Variants in RANBP2 observed in about 807,000 individuals in gnomAD.
RANBP2 encodes RAN binding protein 2.
RANBP2 carries 57 observed loss-of-function variants against 303.6 expected under a neutral mutation model. That is an observed-to-expected ratio of 0.19 (90% CI 0.15 to 0.23). The LOEUF (loss-of-function observed/expected upper bound fraction) is 0.23. Ranked by LOEUF, RANBP2 falls within the 10% of genes least tolerant of loss-of-function variation. The probability of loss-of-function intolerance (pLI) is 1.00; values close to 1 mark genes in which losing one functional copy is unlikely to be tolerated. For missense variants in RANBP2, 3,138 were observed against 3,780.8 expected (o/e 0.83, Z 4.46); for synonymous variants, 1,167 against 1,301.5 (o/e 0.90, Z 2.23).
At chr2:109,591,116 T>G in the RANBP2 span, among the ~76,000 whole-genome samples, 1 of 152,068 alleles carries the variant, frequency 6.6e-6, no homozygotes, top group South Asian at 2.1e-4. Context: ...TTGAATCATT[T>G]TTAGTCATGT....
chr2:109,436,614 T>C, the RANBP2 span, among the ~76,000 whole-genome samples: 1 of 152,368 alleles, frequency 6.6e-6, no homozygotes, highest in East Asian at 1.9e-4. Context: ...ATTAAGGCAG[T>C]AGCTGTGGTA....
chr2:108,759,363 T>G (rs1676557085), intron 18 of RANBP2, among the ~76,000 whole-genome samples: 2 of 152,218 alleles, frequency 1.3e-5, no homozygotes, highest in South Asian at 2.1e-4. Flanking sequence ...AGAGCTGAGA[T>G]TCACACTCCG....
At chr2:109,280,074 G>A in the RANBP2 span, among the ~76,000 whole-genome samples, 1 of 151,974 alleles carries the variant, frequency 6.6e-6, no homozygotes, top group Non-Finnish European at 1.5e-5. Flanking sequence ...TATTTTTTTC[G>A]ATCCCAGAGA....
At chr2:109,590,675 C>T in the RANBP2 span, among the ~76,000 whole-genome samples, 2 of 152,122 alleles carry the variant, frequency 1.3e-5, no homozygotes, top group Non-Finnish European at 2.9e-5. Flanking sequence ...GTGATCCACT[C>T]GTCTGGGCCT....
At chr2:109,620,786 A>C in the RANBP2 span, among the ~76,000 whole-genome samples, 17 of 152,308 alleles carry the variant, frequency 1.1e-4, no homozygotes, top group African/African-American at 4.1e-4. Flanking sequence ...TTGGCCTTAA[A>C]TAGTCTAAGT....
At chr2:109,346,946 G>C in the RANBP2 span, among the ~76,000 whole-genome samples, 1 of 152,154 alleles carries the variant, frequency 6.6e-6, no homozygotes, top group Non-Finnish European at 1.5e-5. Context: ...GTGATGGCCG[G>C]GGACTGCTTG....
chr2:109,340,759 AT>A, the RANBP2 span, among the ~76,000 whole-genome samples: 1 of 152,226 alleles, frequency 6.6e-6, no homozygotes, highest in Non-Finnish European at 1.5e-5. Context: ...GGAAGGGCAG[AT>A]TTGATTATCT....
chr2:108,751,574 A>G lies in RANBP2; in HGVS notation c.1502A>G (p.Glu501Gly). The G allele has an allele frequency of 6.2e-7, 1 of 1,611,030 alleles. No individual in the cohort carries two copies. Among genetic ancestry groups the G allele is most frequent in the South Asian group, 1.1e-5 (1 of 90,938 alleles). ...VVYTSHLQLK[E>G]KCNSHHSSYQ... is the part of the protein sequence containing the mutation. Reference sequence around the variant, plus strand: ...TATACCAGCCACTTACAATTAAAGGAGAAATGTAATTCTCACCACAGCTCC... The same window carrying G: ...TATACCAGCCACTTACAATTAAAGGGGAAATGTAATTCTCACCACAGCTCC... Residue 501 changes from glutamate to glycine, a missense_variant, in exon 11 of 29, where the codon GAG becomes GGG. This residue lies in a region of RANBP2 where 162 missense variants were observed against 286.9 expected (regional missense o/e 0.56). Transcript: ENST00000283195.
chr2:109,484,064 TTTC>T, the RANBP2 span, among the ~76,000 whole-genome samples: 19 of 77,978 alleles, frequency 2.4e-4, no homozygotes, highest in African/African-American at 3.1e-4. Flanking sequence ...TCCTCTGGCC[TTTC>T]TTTTTTTTTT....
At chr2:109,129,503 C>G in the RANBP2 span, 1 of 1,495,372 alleles carries the variant, frequency 6.7e-7, no homozygotes, top group Non-Finnish European at 8.9e-7. Context: ...GCCCCGGGAC[C>G]TAGGCAGCCG....
chr2:109,657,684 T>C, the RANBP2 span, among the ~76,000 whole-genome samples: 2 of 150,598 alleles, frequency 1.3e-5, no homozygotes, highest in East Asian at 3.9e-4. Context: ...ACTGAACCGA[T>C]GGAAAGCTCC....
chr2:108,927,595 C>T, the RANBP2 span, among the ~76,000 whole-genome samples: 6 of 152,172 alleles, frequency 3.9e-5, no homozygotes, highest in Non-Finnish European at 5.9e-5. Flanking sequence ...GGCGAGGTTC[C>T]GTGGTGCACC....
chr2:109,318,484 A>C, the RANBP2 span, among the ~76,000 whole-genome samples: 1 of 152,186 alleles, frequency 6.6e-6, no homozygotes, highest in African/African-American at 2.4e-5. Flanking sequence ...TATCTGAGTG[A>C]CTGAATCATA....
the RANBP2 span, among the ~76,000 whole-genome samples, chr2:109,583,027 T>G: frequency 6.6e-6 from 1 of 152,024 alleles, no homozygotes; most frequent in Non-Finnish European, 1.5e-5. Flanking sequence ...AAAAATTAAC[T>G]CAAGATGGAT....
chr2:108,738,107 G>T (rs1695763370), intron 6 of RANBP2, among the ~76,000 whole-genome samples: 1 of 150,718 alleles, frequency 6.6e-6, no homozygotes, highest in South Asian at 2.1e-4. Flanking sequence ...ACGGAGTCTC[G>T]CTCTGTCGCC....
At chr2:109,273,463 G>A in the RANBP2 span, among the ~76,000 whole-genome samples, 1 of 152,204 alleles carries the variant, frequency 6.6e-6, no homozygotes, top group Non-Finnish European at 1.5e-5. Context: ...CGGAGGAGGG[G>A]AGAAGGGAGA....
At chr2:109,366,007 C>T in the RANBP2 span, among the ~76,000 whole-genome samples, 13 of 152,102 alleles carry the variant, frequency 8.5e-5, no homozygotes, top group African/African-American at 3.1e-4. Context: ...TGTTTTCTGG[C>T]ATATAAGACA....
At chr2:108,788,384 C>CGTAG (rs906457670), downstream of RANBP2, among the ~76,000 whole-genome samples, 15 of 150,858 alleles carry the variant, frequency 9.9e-5, no homozygotes, top group African/African-American at 3.7e-4. Context: ...GGCGCCACTA[C>CGTAG]ACTCCAGCCT....
the RANBP2 span, among the ~76,000 whole-genome samples, chr2:109,017,373 C>T: frequency 2.0e-5 from 3 of 152,252 alleles, no homozygotes; most frequent in African/African-American, 7.2e-5. Flanking sequence ...TGGGCAGCCC[C>T]TGTCCCTGCT....
Sources: gnomAD v4.1 joint callset for allele counts (sites outside exome capture counted in the v4.1 genomes callset) on GRCh38, gnomAD v4.1.1 for gene constraint, gnomAD v4.1.1 regional missense constraint, MANE v1.5 for transcripts, NCBI Gene and HGNC (gene_info 2026-07-23, HGNC 2026-07-21) for gene names.